Variants in VAPB observed in about 807,000 individuals in gnomAD.
VAPB encodes the protein vesicle-associated membrane protein-associated protein B/C.
VAPB carries 7 observed loss-of-function variants against 25.6 expected under a neutral mutation model. The ratio of observed to expected loss-of-function variants is 0.27; its 90% CI spans 0.16 to 0.51. The LOEUF (loss-of-function observed/expected upper bound fraction) is 0.51. VAPB is among the 20% of genes least tolerant of loss of function. The pLI is 0.97. For missense variants in VAPB, 266 were observed against 301.3 expected (o/e 0.88, Z 0.87); for synonymous variants, 112 against 109.2 (o/e 1.03, Z -0.16).
At chr20:58,392,354 T>C (rs1568695403) in intron 1 of VAPB, among the ~76,000 whole-genome samples, 1 of 152,228 alleles carries the variant, frequency 6.6e-6, no homozygotes, top group African/African-American at 2.4e-5. Context: ...TGGCCCTGGA[T>C]TGGCCAAAGT....
intron 2 of VAPB, among the ~76,000 whole-genome samples, chr20:58,427,968 C>T (rs1291765032): frequency 1.3e-5 from 2 of 149,970 alleles, no homozygotes; most frequent in African/African-American, 2.5e-5. Context: ...CGAAAGTGAT[C>T]TGTGATCTGT....
intron 3 of VAPB, among the ~76,000 whole-genome samples, chr20:58,435,160 T>A (rs1351161687): frequency 2.6e-5 from 4 of 152,190 alleles, no homozygotes; most frequent in African/African-American, 9.6e-5. Flanking sequence ...TGTGGCTTTG[T>A]TCTAGTAAAT....
chr20:58,411,570 C>A (rs1021448373), intron 1 of VAPB, among the ~76,000 whole-genome samples: 1 of 152,230 alleles, frequency 6.6e-6, no homozygotes, highest in African/African-American at 2.4e-5. Flanking sequence ...CCGCACCCGG[C>A]CAGACATCTT....
intron 2 of VAPB, among the ~76,000 whole-genome samples, chr20:58,433,548 G>C (rs1427684217): frequency 6.6e-6 from 1 of 152,196 alleles, no homozygotes; most frequent in East Asian, 1.9e-4. Flanking sequence ...TGTGAACTTA[G>C]GTCCCCACAC....
At chr20:58,395,276 C>T (rs760901989) in intron 1 of VAPB, among the ~76,000 whole-genome samples, 3 of 152,028 alleles carry the variant, frequency 2.0e-5, no homozygotes, top group East Asian at 3.9e-4. Context: ...CTCAGCCTCC[C>T]GAGTAGCTGG....
chr20:58,446,119 C>T lies in VAPB; in HGVS notation c.*1884C>T, dbSNP rs1989287353. 2.2e-6 allele frequency: 1 copy of T among 454,024 alleles called. No individual in the cohort carries two copies. Among genetic ancestry groups the T allele is most frequent in the African/African-American group, 2.0e-5 (1 of 50,096 alleles). The allele number at this position is 454,024 out of a possible 1,614,324, so 28.1% of individuals were successfully genotyped here. On this transcript the variant is annotated 3_prime_UTR_variant, in exon 6 of 6. Transcript: ENST00000475243. ...GGTACTCACAGAAATGGTGAACAGA[C>T]TTAGTTGTTACCCAGGCACCCATGG...
Position 58,449,822 on chromosome 20 carries a change from T to C in VAPB, c.*5587T>C. 1 of 454,126 alleles carries C rather than the reference T, an allele frequency of 2.2e-6. No individual in the cohort carries two copies. The highest frequency in any genetic ancestry group is 4.4e-6 in the Non-Finnish European group (1 of 226,770). The allele number at this position is 454,126 out of a possible 1,614,324, so 28.1% of individuals were successfully genotyped here. A position where few individuals can be genotyped will look rare whatever the true frequency, so the allele number is the denominator to read the frequency against. On this transcript the variant is annotated 3_prime_UTR_variant, in exon 6 of 6. Transcript: ENST00000475243. Reference sequence around the variant, plus strand: ...TCGCTTGCTGGCCTGCTTTCCTGCTTGCATTCTGATGAGCTGCAGGAGTGC... The same window carrying C: ...TCGCTTGCTGGCCTGCTTTCCTGCTCGCATTCTGATGAGCTGCAGGAGTGC...
At chr20:58,413,769 G>A (rs527496101) in intron 1 of VAPB, among the ~76,000 whole-genome samples, 2,703 of 150,344 alleles carry the variant, frequency 0.018, 43 homozygotes, top group Non-Finnish European at 0.025. Flanking sequence ...CTGGCCGGGC[G>A]GGGGGCTGAC....
At chr20:58,440,405 C>T (rs1989134742) in intron 4 of VAPB, 1 of 161,750 alleles carries the variant, frequency 6.2e-6, no homozygotes, top group Admixed American at 6.2e-5. Flanking sequence ...ATGTAACTTC[C>T]CAAGATTGAA....
At chr20:58,408,729 A>G (rs916249256) in intron 1 of VAPB, among the ~76,000 whole-genome samples, 4 of 152,116 alleles carry the variant, frequency 2.6e-5, no homozygotes, top group Non-Finnish European at 5.9e-5. Flanking sequence ...ATTTAGAGTG[A>G]TTTCAGATCC....
chr20:58,418,463 T>C, intron 2 of VAPB, 100 bp downstream of exon 2: 4 of 1,442,332 alleles, frequency 2.8e-6, no homozygotes, highest in Non-Finnish European at 3.7e-6. Context: ...AAGAAGATGA[T>C]AGAATTCTCT....
At chr20:58,410,274 A>G (rs1286711324) in intron 1 of VAPB, among the ~76,000 whole-genome samples, 1 of 152,178 alleles carries the variant, frequency 6.6e-6, no homozygotes, top group Non-Finnish European at 1.5e-5. Context: ...CTAGTGTTGT[A>G]CATTCTGTGA....
intron 5 of VAPB, among the ~76,000 whole-genome samples, chr20:58,441,551 A>G (rs948279442): frequency 5.9e-5 from 9 of 152,198 alleles, no homozygotes; most frequent in African/African-American, 2.2e-4. Flanking sequence ...CTGAGGCAGG[A>G]GAATCGCTTG....
chr20:58,404,542 C>G (rs1006834176), intron 1 of VAPB, among the ~76,000 whole-genome samples: 1 of 152,184 alleles, frequency 6.6e-6, no homozygotes, highest in Non-Finnish European at 1.5e-5. Flanking sequence ...AGGTAGTATA[C>G]TGCCCAGGAG....
At chr20:58,421,502 T>C (rs1988668801) in intron 2 of VAPB, among the ~76,000 whole-genome samples, 1 of 152,196 alleles carries the variant, frequency 6.6e-6, no homozygotes, top group South Asian at 2.1e-4. Flanking sequence ...CATTTTCAGG[T>C]ATAATCTTTA....
chr20:58,422,489 C>A (rs892336510), intron 2 of VAPB, among the ~76,000 whole-genome samples: 1 of 152,014 alleles, frequency 6.6e-6, no homozygotes, highest in Admixed American at 6.6e-5. Flanking sequence ...GGGGATCTTC[C>A]CATTTGTTCT....
At chr20:58,401,186 C>T (rs1988087773) in intron 1 of VAPB, among the ~76,000 whole-genome samples, 1 of 152,146 alleles carries the variant, frequency 6.6e-6, no homozygotes, top group Non-Finnish European at 1.5e-5. Context: ...CCTTTCTCTT[C>T]CAAAGCAAGA....
intron 2 of VAPB, among the ~76,000 whole-genome samples, chr20:58,433,057 T>C (rs1239077284): frequency 1.3e-5 from 2 of 152,202 alleles, no homozygotes; most frequent in Admixed American, 1.3e-4. Context: ...CAGTGGACTT[T>C]CTCTGTTCCC....
chr20:58,414,100 G>A (rs1387542963), intron 1 of VAPB, among the ~76,000 whole-genome samples: 5 of 98,212 alleles, frequency 5.1e-5, no homozygotes, highest in Non-Finnish European at 8.8e-5. Flanking sequence ...CTCACCTCCC[G>A]GACGGGGCGG....
Sources: allele counts gnomAD v4.1 joint callset (sites outside exome capture counted in the v4.1 genomes callset), GRCh38; gene constraint gnomAD v4.1.1; transcripts MANE v1.5; gene names NCBI Gene and HGNC (gene_info 2026-07-23, HGNC 2026-07-21).